IGHMBP2: variants seen among roughly 807,000 people sequenced by gnomAD.
The protein encoded by IGHMBP2 is immunoglobulin mu DNA binding protein 2.
IGHMBP2 carries 81 observed loss-of-function variants against 96.0 expected under a neutral mutation model. The observed-to-expected ratio is 0.84, with a 90% confidence interval of 0.71 to 1.01. IGHMBP2 has a LOEUF of 1.01. Ranked by LOEUF, IGHMBP2 falls within the 50% of genes least tolerant of loss-of-function variation. The pLI, the probability that IGHMBP2 is intolerant of heterozygous loss-of-function variation, is 0.00. For synonymous variants in IGHMBP2, 557 were observed against 548.9 expected (o/e 1.01, Z -0.21); for missense variants, 1,227 against 1,306.3 (o/e 0.94, Z 0.94).
chr11:68,922,101 C>T (rs943491678), intron 7 of IGHMBP2, among the ~76,000 whole-genome samples: 1 of 151,890 alleles, frequency 6.6e-6, no homozygotes, highest in African/African-American at 2.4e-5. Flanking sequence ...AGGCTTAAGG[C>T]GAGTGGATCA....
intron 2 of IGHMBP2, among the ~76,000 whole-genome samples, chr11:68,907,035 G>A (rs1858230224): frequency 6.6e-6 from 1 of 152,066 alleles, no homozygotes; most frequent in Non-Finnish European, 1.5e-5. Context: ...CGAGGTGGGT[G>A]GATCACTTGA....
intron 7 of IGHMBP2, among the ~76,000 whole-genome samples, chr11:68,925,321 G>A (rs951749072): frequency 1.3e-5 from 2 of 151,618 alleles, no homozygotes; most frequent in Non-Finnish European, 2.9e-5. Flanking sequence ...AATTTTTTTT[G>A]TATATTTTGT....
chr11:68,915,174 T>G, intron 6 of IGHMBP2, 151 bp downstream of exon 6: 1 of 263,348 alleles, frequency 3.8e-6, no homozygotes, highest in Non-Finnish European at 7.1e-6. Flanking sequence ...CCCTTTTTTT[T>G]TTTTTTTTTT....
intron 14 of IGHMBP2, 82 bp from the exon 15 acceptor site, chr11:68,939,452 C>T: frequency 6.7e-7 from 1 of 1,485,684 alleles, no homozygotes. Flanking sequence ...GCCTGTGGCC[C>T]CCCAGCTCTT....
chr11:68,931,828 GA>G (rs1396979943), intron 8 of IGHMBP2, among the ~76,000 whole-genome samples: 2 of 152,214 alleles, frequency 1.3e-5, no homozygotes, highest in East Asian at 3.8e-4. Flanking sequence ...AGGAAGTTTG[GA>G]ACTGTGCCCT....
chr11:68,903,917 G>T lies in IGHMBP2; in HGVS notation c.-36G>T. 6.2e-7 allele frequency: 1 copy of T among 1,601,174 alleles called. No homozygotes were observed. Among genetic ancestry groups the T allele is most frequent in the South Asian group, 1.1e-5 (1 of 89,938 alleles). ...TAACACCGGCCCGGCGCAGAAGCGG[G>T]ACGTCGGCTTCTAGGGGCCCAGGCC... On this transcript the variant is annotated 5_prime_UTR_variant, in exon 1 of 15. Transcript: ENST00000255078.
chr11:68,915,108 C>A, intron 6 of IGHMBP2, 85 bp downstream of exon 6: 1 of 1,030,234 alleles, frequency 9.7e-7, no homozygotes, highest in Non-Finnish European at 1.5e-6. Context: ...GTCTGCATTC[C>A]TCTTGACCTT....
At chr11:68,916,605 G>A (rs941999089) in intron 6 of IGHMBP2, among the ~76,000 whole-genome samples, 1 of 151,832 alleles carries the variant, frequency 6.6e-6, no homozygotes, top group South Asian at 2.1e-4. Context: ...GTGTGCTTAC[G>A]GTCAGCACCT....
intron 7 of IGHMBP2, among the ~76,000 whole-genome samples, chr11:68,928,001 C>G (rs938879900): frequency 1.3e-5 from 2 of 152,182 alleles, no homozygotes; most frequent in Non-Finnish European, 2.9e-5. Flanking sequence ...TGAACACTTC[C>G]CTGATTGCTG....
At position 68,939,048 on chromosome 11, in the gene IGHMBP2, A is replaced by G. The variant is rs148028965; in HGVS notation, c.2785-486A>G. Among the ~76,000 whole-genome samples, 1,110 of 152,208 alleles carry G rather than the reference A, an allele frequency of 7.3e-3. 7 individuals carry two copies. Among genetic ancestry groups the G allele is most frequent in the Non-Finnish European group, 0.011 (756 of 68,002 alleles). Reference sequence around the variant, plus strand: ...CCGATGGCGGGTGGGCAGGCAGGCTATCCACCCTTAGAACATGCATAAAGC... The same window carrying G: ...CCGATGGCGGGTGGGCAGGCAGGCTGTCCACCCTTAGAACATGCATAAAGC... On this transcript the variant is annotated intron_variant, in intron 14 of 14. Coordinates refer to ENST00000255078, the MANE Select transcript of IGHMBP2 (RefSeq NM_002180.3).
chr11:68,918,540 G>A (rs150890806), intron 7 of IGHMBP2, among the ~76,000 whole-genome samples: 2,174 of 152,198 alleles, frequency 0.014, 48 homozygotes, highest in African/African-American at 0.048. Context: ...TACTTGGGAG[G>A]CTGAGGTAGG....
chr11:68,908,035 C>A, intron 2 of IGHMBP2, 110 bp from the exon 3 acceptor site: 10 of 952,718 alleles, frequency 1.0e-5, no homozygotes, highest in Non-Finnish European at 1.4e-5. Flanking sequence ...ATTGCATTTA[C>A]TAAAGAAAGT....
At chr11:68,938,990 C>T (rs1859652002) in intron 14 of IGHMBP2, among the ~76,000 whole-genome samples, 1 of 151,996 alleles carries the variant, frequency 6.6e-6, no homozygotes, top group Non-Finnish European at 1.5e-5. Flanking sequence ...ACCTGTGGGA[C>T]AGAAGGTGGG....
At chr11:68,929,982 C>G (rs749127585) in intron 8 of IGHMBP2, 9 of 1,036,822 alleles carry the variant, frequency 8.7e-6, no homozygotes, top group Non-Finnish European at 8.1e-6. Context: ...CCCAGCCCCC[C>G]TCTCACCTCT....
intron 7 of IGHMBP2, among the ~76,000 whole-genome samples, chr11:68,927,124 C>T (rs1389444328): frequency 1.3e-5 from 2 of 152,258 alleles, no homozygotes; most frequent in African/African-American, 2.4e-5. Flanking sequence ...TGACTCTCTA[C>T]GTGCCTTGTA....
chr11:68,929,082 G>A lies in IGHMBP2; in HGVS notation c.1061-101G>A, dbSNP rs1859172812. 6 of 1,103,404 alleles carry A rather than the reference G, an allele frequency of 5.4e-6. No individual in the cohort carries two copies. In the East Asian group the frequency reaches 1.2e-4, roughly 22 times the overall value. The allele number at this position is 1,103,404 out of a possible 1,614,324, so 68.4% of individuals were successfully genotyped here. ...TTTATCCCACACAGTTGCAATGCAA[G>A]CCTTGATGAAACCCCAGCTTGATGG... On this transcript the variant is annotated intron_variant, in intron 7 of 14. Transcript: ENST00000255078.
In IGHMBP2 at chr11:68,904,921, C is replaced by T. The variant is rs1412223995; in HGVS notation, c.86+883C>T. On this transcript the variant is annotated intron_variant, in intron 1 of 14. Coordinates refer to ENST00000255078, the MANE Select transcript of IGHMBP2 (RefSeq NM_002180.3). ...TCAAGCGATTCTCCTGCCTCAGCCT[C>T]CTGAGTGGCTGGGACTACAGGCGCG... Among the ~76,000 whole-genome samples, 5 of 151,584 alleles carry T rather than the reference C, an allele frequency of 3.3e-5. No individual in the cohort carries two copies. The East Asian group carries it at 9.7e-4, about 29-fold the overall frequency.
rs1594453312 is a variant in IGHMBP2, at chr11:68,934,635, T to C, written c.1632+77T>C. The C allele has an allele frequency of 5.1e-6, 6 of 1,173,448 alleles. No homozygotes were observed. In the East Asian group the frequency reaches 1.5e-4, roughly 30 times the overall value. The allele number at this position is 1,173,448 out of a possible 1,614,324, so 72.7% of individuals were successfully genotyped here. ...CTAGAGGGTGAAAGAAAAAGGGTGA[T>C]TTGTTGGCTGTGGTGACCGAAAAGT... On this transcript the variant is annotated intron_variant, in intron 11 of 14. Transcript: ENST00000255078.
At chr11:68,931,521 G>A (rs1859299340) in intron 8 of IGHMBP2, among the ~76,000 whole-genome samples, 1 of 152,190 alleles carries the variant, frequency 6.6e-6, no homozygotes, top group Admixed American at 6.5e-5. Context: ...TTGGGCGGCT[G>A]TAGCCCCGCC....
Sources: allele counts gnomAD v4.1 joint callset (sites outside exome capture counted in the v4.1 genomes callset), GRCh38; gene constraint gnomAD v4.1.1; transcripts MANE v1.5; gene names NCBI Gene and HGNC (gene_info 2026-07-23, HGNC 2026-07-21).